HERC3: variants seen among roughly 807,000 people sequenced by gnomAD.
HERC3 encodes HECT and RLD domain containing E3 ubiquitin protein ligase 3.
Under a neutral mutation model 129.9 loss-of-function variants are expected in HERC3, and 58 were observed. The observed-to-expected ratio is 0.45, with a 90% CI of 0.36 to 0.56. The LOEUF is 0.56. Ranked by LOEUF, HERC3 falls within the 20% of genes least tolerant of loss-of-function variation. The probability of loss-of-function intolerance (pLI) is 0.00; values close to 1 mark genes in which losing one functional copy is unlikely to be tolerated. For missense variants in HERC3, 835 were observed against 1,244.2 expected, an observed-to-expected ratio of 0.67 and a Z score of 4.95; for synonymous variants, 430 against 451.0, an observed-to-expected ratio of 0.95 and a Z score of 0.59.
At chr4:88,536,499 T>G in the HERC3 span, among the ~76,000 whole-genome samples, 44 of 152,200 alleles carry the variant, frequency 2.9e-4, no homozygotes, top group Non-Finnish European at 5.1e-4. Flanking sequence ...ATTTATTACT[T>G]CTTTACAAGT....
chr4:88,622,990 G>A (rs1307558145), intron 3 of HERC3, among the ~76,000 whole-genome samples: 4 of 152,116 alleles, frequency 2.6e-5, no homozygotes, highest in Admixed American at 1.3e-4. Flanking sequence ...GGGTTATTGC[G>A]AGGATTAATT....
rs1418589311 is a variant in HERC3, at chr4:88,708,161, G to A, written c.*1201G>A. The stretch of plus-strand genomic sequence containing the variant: ...TTTGTTTACAGTGGGATTTTAGGGG[G>A]GATTGTGTTTAAATCAAATATATGT... On this transcript the variant is annotated 3_prime_UTR_variant, in exon 26 of 26. Transcript: ENST00000402738. The A allele has an allele frequency of 6.6e-6, 1 of 152,264 alleles. No homozygotes were observed. Among genetic ancestry groups the A allele is most frequent in the Non-Finnish European group, 1.5e-5 (1 of 67,980 alleles). The allele number at this position is 152,264 out of a possible 1,614,324, so 9.4% of individuals were successfully genotyped here.
intron 16 of HERC3, among the ~76,000 whole-genome samples, chr4:88,675,639 A>C (rs1014489015): frequency 6.6e-6 from 1 of 151,716 alleles, no homozygotes; most frequent in African/African-American, 2.4e-5. Context: ...CTCCCCTCCA[A>C]AGTTTATTCA....
intron 23 of HERC3, chr4:88,690,349 T>C (rs1360196510): frequency 2.0e-6 from 2 of 985,300 alleles, no homozygotes; most frequent in Non-Finnish European, 2.4e-6. Flanking sequence ...CTGATTTCCC[T>C]TCCCTCCTGG....
intron 3 of HERC3, among the ~76,000 whole-genome samples, chr4:88,616,658 C>T (rs887693377): frequency 6.6e-6 from 1 of 152,158 alleles, no homozygotes; most frequent in Non-Finnish European, 1.5e-5. Flanking sequence ...TCTAAACCTA[C>T]ATGATCTCTG....
At chr4:88,584,201 T>A in the HERC3 span, among the ~76,000 whole-genome samples, 4 of 152,202 alleles carry the variant, frequency 2.6e-5, no homozygotes, top group South Asian at 6.2e-4. Context: ...GGTGGCTTGG[T>A]GTTCTTTGGC....
chr4:88,697,672 G>C, intron 23 of HERC3: 1 of 1,612,840 alleles, frequency 6.2e-7, no homozygotes, highest in Non-Finnish European at 8.5e-7. Flanking sequence ...ACCGCCTTCC[G>C]CCATTACCTC....
intron 13 of HERC3, 133 bp from the exon 14 acceptor site, chr4:88,667,759 G>A: frequency 1.4e-6 from 1 of 699,796 alleles, no homozygotes; most frequent in South Asian, 1.8e-5. Context: ...ACCAGTGTCA[G>A]GCTCATAGTA....
intron 23 of HERC3, chr4:88,697,199 G>T (rs779059058): frequency 4.0e-6 from 6 of 1,504,556 alleles, no homozygotes; most frequent in Non-Finnish European, 5.3e-6. Flanking sequence ...ATCCATCTCT[G>T]CCCCCCTTAC....
At chr4:88,647,677 A>G (rs966689641) in intron 3 of HERC3, among the ~76,000 whole-genome samples, 4 of 151,996 alleles carry the variant, frequency 2.6e-5, no homozygotes, top group Non-Finnish European at 5.9e-5. Flanking sequence ...GCATGAGCAT[A>G]TTTTCAGTTA....
chr4:88,539,694 C>T, the HERC3 span, among the ~76,000 whole-genome samples: 1 of 152,128 alleles, frequency 6.6e-6, no homozygotes, highest in Non-Finnish European at 1.5e-5. Flanking sequence ...GGCAGGTGAC[C>T]CTCTGGGACG....
chr4:88,686,637 T>C, intron 21 of HERC3, 99 bp from the exon 22 acceptor site: 1 of 742,562 alleles, frequency 1.3e-6, no homozygotes. Context: ...TCTTTCATAG[T>C]TTTTCCTTGG....
chr4:88,655,152 T>C, intron 7 of HERC3, 22 bp from the exon 8 acceptor site: 1 of 1,613,360 alleles, frequency 6.2e-7, no homozygotes, highest in Non-Finnish European at 8.5e-7. Context: ...AGTGAAGTCC[T>C]ATGGTGTTTG....
intron 23 of HERC3, among the ~76,000 whole-genome samples, chr4:88,703,449 T>C (rs1373924115): frequency 6.6e-6 from 1 of 152,204 alleles, no homozygotes; most frequent in Admixed American, 6.5e-5. Context: ...ACCAACTGCC[T>C]ATGAGGTTTC....
chr4:88,588,586 A>C (rs1241492274), upstream of HERC3, among the ~76,000 whole-genome samples: 1 of 152,226 alleles, frequency 6.6e-6, no homozygotes, highest in Non-Finnish European at 1.5e-5. Context: ...GGTGTATCTG[A>C]GAGACAGAAT....
At chr4:88,679,748 C>T (rs1273375017) in intron 19 of HERC3, among the ~76,000 whole-genome samples, 1 of 152,126 alleles carries the variant, frequency 6.6e-6, no homozygotes. Flanking sequence ...GAACTCCTGA[C>T]CTCAGGTGAT....
the HERC3 span, among the ~76,000 whole-genome samples, chr4:88,540,008 T>C: frequency 6.6e-6 from 1 of 152,024 alleles, no homozygotes; most frequent in Non-Finnish European, 1.5e-5. Flanking sequence ...AGCTGAAAAT[T>C]CTAAAAACCA....
At chr4:88,650,684 G>A (rs1208955336) in intron 4 of HERC3, among the ~76,000 whole-genome samples, 4 of 152,224 alleles carry the variant, frequency 2.6e-5, no homozygotes, top group East Asian at 1.9e-4. Flanking sequence ...TGTGCTACAG[G>A]TGTTCCACAT....
chr4:88,671,670 C>T (rs1291377912), intron 16 of HERC3, among the ~76,000 whole-genome samples: 28 of 152,000 alleles, frequency 1.8e-4, no homozygotes, highest in Non-Finnish European at 1.5e-5. Context: ...ACTACAGGTG[C>T]GTGCCATCAT....
Sources: gnomAD v4.1 joint callset for allele counts (sites outside exome capture counted in the v4.1 genomes callset) on GRCh38, gnomAD v4.1.1 for gene constraint, MANE v1.5 for transcripts, NCBI Gene and HGNC (gene_info 2026-07-23, HGNC 2026-07-21) for gene names.